Variants in ZRANB1 observed in about 807,000 individuals in gnomAD.
ZRANB1 encodes ubiquitin thioesterase ZRANB1.
A neutral mutation model predicts 80.5 loss-of-function variants in ZRANB1; 16 were observed. The observed-to-expected ratio is 0.20, with a 90% CI of 0.13 to 0.30. ZRANB1 has a LOEUF of 0.30. ZRANB1 is among the 10% of genes least tolerant of loss of function. The pLI is 1.00. For synonymous variants in ZRANB1, 291 were observed against 293.1 expected (o/e 0.99, Z 0.07); for missense variants, 576 against 862.6 (o/e 0.67, Z 4.16).
At chr10:124,929,512 G>A in the ZRANB1 span, among the ~76,000 whole-genome samples, 34 of 151,160 alleles carry the variant, frequency 2.2e-4, no homozygotes, top group Non-Finnish European at 3.4e-4. Flanking sequence ...ATTTTTTTTT[G>A]TCTTTTTAGT....
At chr10:124,951,124 G>T (rs544615247) in intron 1 of ZRANB1, among the ~76,000 whole-genome samples, 2 of 151,884 alleles carry the variant, frequency 1.3e-5, no homozygotes, top group East Asian at 3.9e-4. Flanking sequence ...TAAGAATTAC[G>T]TATATAGATG....
At position 124,966,581 on chromosome 10, in the gene ZRANB1, A is replaced by G; in HGVS notation, c.815-13A>G. 3 of 1,606,602 alleles carry G rather than the reference A, an allele frequency of 1.9e-6. No individual in the cohort carries two copies. Among genetic ancestry groups the G allele is most frequent in the Non-Finnish European group, 2.6e-6 (3 of 1,174,270 alleles). Reference sequence around the variant, plus strand: ...GAGAATTAAATGCTTTTCTATCTTGATGCTTGTTTTAGGGGTTGTAGAAGG... The same window carrying G: ...GAGAATTAAATGCTTTTCTATCTTGGTGCTTGTTTTAGGGGTTGTAGAAGG... On this transcript the variant is annotated splice_polypyrimidine_tract_variant and intron_variant, in intron 1 of 8. Coordinates refer to ENST00000359653, the MANE Select transcript of ZRANB1 (RefSeq NM_017580.3).
At chr10:124,920,399 C>T in the ZRANB1 span, among the ~76,000 whole-genome samples, 4 of 152,206 alleles carry the variant, frequency 2.6e-5, 1 homozygote, top group South Asian at 2.1e-4. Context: ...CTTACCTCCT[C>T]ACATCACAAC....
At chr10:124,926,214 A>G in the ZRANB1 span, among the ~76,000 whole-genome samples, 1 of 152,348 alleles carries the variant, frequency 6.6e-6, no homozygotes, top group Admixed American at 6.5e-5. Flanking sequence ...ACCACTGTAG[A>G]CTTCATAGAC....
Position 124,987,374 on chromosome 10 carries a change from A to ATG in ZRANB1, c.*2383_*2384insGT, listed in dbSNP as rs1952079247. The ATG allele has an allele frequency of 6.6e-6, 1 of 151,594 alleles. No individual in the cohort carries two copies. Among genetic ancestry groups the ATG allele is most frequent in the African/African-American group, 2.4e-5 (1 of 41,220 alleles). The allele number at this position is 151,594 out of a possible 1,614,324, so 9.4% of individuals were successfully genotyped here. A position where few individuals can be genotyped will look rare whatever the true frequency, so the allele number is the denominator to read the frequency against. On this transcript the variant is annotated 3_prime_UTR_variant, in exon 9 of 9. Coordinates refer to ENST00000359653, the MANE Select transcript of ZRANB1 (RefSeq NM_017580.3). ...CTTGGGGTCAAATTTATATATATAT[A>ATG]TATAAATTTTTGTTTGGGCGACCAA...
In ZRANB1 at chr10:124,983,840, T is replaced by C; in HGVS notation, c.1908+152T>C. 1.6e-6 allele frequency: 1 copy of C among 644,232 alleles called. No individual in the cohort carries two copies. Among genetic ancestry groups the C allele is most frequent in the East Asian group, 2.8e-5 (1 of 36,086 alleles). The allele number at this position is 644,232 out of a possible 1,614,324, so 39.9% of individuals were successfully genotyped here. ...GAAGGTACTAGCTATACTTTGAAATTTACCTTTTCAAAACTGCTGTATGGG... is the reference window on the plus strand; with the variant it reads ...GAAGGTACTAGCTATACTTTGAAATCTACCTTTTCAAAACTGCTGTATGGG... On this transcript the variant is annotated intron_variant, in intron 8 of 8. Coordinates refer to ENST00000359653, the MANE Select transcript of ZRANB1 (RefSeq NM_017580.3). This position sits in a 1 kb window ranked among gnomAD's most constrained non-coding sequence, Gnocchi z 6.2.
chr10:124,930,458 G>T, the ZRANB1 span, among the ~76,000 whole-genome samples: 3 of 152,112 alleles, frequency 2.0e-5, no homozygotes, highest in Non-Finnish European at 4.4e-5. Flanking sequence ...TAGAGACAGG[G>T]TTTCACCATG....
At chr10:124,937,783 A>G (rs1019433196), upstream of ZRANB1, among the ~76,000 whole-genome samples, 1 of 152,210 alleles carries the variant, frequency 6.6e-6, no homozygotes, top group African/African-American at 2.4e-5. Context: ...AGTAGTAGTA[A>G]ATGGTTGATA....
At chr10:124,967,934 T>C (rs916404690) in intron 2 of ZRANB1, among the ~76,000 whole-genome samples, 1 of 151,768 alleles carries the variant, frequency 6.6e-6, no homozygotes, top group Admixed American at 6.6e-5. Flanking sequence ...AGTCTCACTC[T>C]GTTGCCCAGG....
Position 124,983,413 on chromosome 10 carries a change from C to G in ZRANB1, c.1679-46C>G, listed in dbSNP as rs1446053230. ...GTGAACAAGGGCAGTGAGGGAGTGG[C>G]TCTTTCTTCCTGTGACTGTTGGGAT... On this transcript the variant is annotated intron_variant, in intron 7 of 8. Transcript: ENST00000359653. The surrounding 1 kb of genome is among the most constrained non-coding windows in gnomAD (Gnocchi z 6.2). 6.3e-7 allele frequency: 1 copy of G among 1,590,968 alleles called. No homozygotes were observed. Among genetic ancestry groups the G allele is most frequent in the Non-Finnish European group, 8.6e-7 (1 of 1,165,224 alleles).
the ZRANB1 span, among the ~76,000 whole-genome samples, chr10:124,928,019 A>C: frequency 6.6e-6 from 1 of 152,246 alleles, no homozygotes; most frequent in East Asian, 1.9e-4. Flanking sequence ...CCTGGGTGAT[A>C]GAGCAAGACT....
intron 1 of ZRANB1, among the ~76,000 whole-genome samples, chr10:124,964,479 A>G (rs914250508): frequency 2.6e-5 from 4 of 152,228 alleles, no homozygotes; most frequent in Admixed American, 2.6e-4. Flanking sequence ...CCTTCTTCCA[A>G]GCAAAAGAAG....
chr10:124,981,672 A>C, intron 5 of ZRANB1, 37 bp from the exon 6 acceptor site: 3 of 1,538,312 alleles, frequency 2.0e-6, no homozygotes, highest in Non-Finnish European at 2.6e-6. Flanking sequence ...TTTATAGAAG[A>C]CTATTTATTT....
chr10:124,968,492 G>A (rs915400415), intron 2 of ZRANB1, among the ~76,000 whole-genome samples: 1 of 152,188 alleles, frequency 6.6e-6, no homozygotes, highest in African/African-American at 2.4e-5. Context: ...CAAAAGGGCA[G>A]GCTTATTGAG....
In ZRANB1 at chr10:124,942,649, T is replaced by G; in HGVS notation, c.156T>G (p.Asp52Glu). Residue 52 changes from aspartate to glutamate, a missense_variant, in exon 1 of 9, where the codon GAT becomes GAG. Transcript: ENST00000359653. Reference sequence around the variant, plus strand: ...GTGGTTCAAGTGATGTTGGTAGAGATTGGGATCCTTCCAGCACCGAAGGAG... The same window carrying G: ...GTGGTTCAAGTGATGTTGGTAGAGAGTGGGATCCTTCCAGCACCGAAGGAG... ...FKSGSSDVGR[D>E]WDPSSTEGGS... 1.9e-6 allele frequency: 3 copies of G among 1,614,228 alleles called. No individual in the cohort carries two copies. Among genetic ancestry groups the G allele is most frequent in the Non-Finnish European group, 2.5e-6 (3 of 1,180,040 alleles).
chr10:124,970,290 A>G (rs1271404599), intron 2 of ZRANB1, among the ~76,000 whole-genome samples: 3 of 151,872 alleles, frequency 2.0e-5, no homozygotes, highest in African/African-American at 7.3e-5. Context: ...TTCTTTTGAG[A>G]CAGACTTTCT....
At chr10:124,958,039 T>A (rs542882921) in intron 1 of ZRANB1, among the ~76,000 whole-genome samples, 1 of 152,334 alleles carries the variant, frequency 6.6e-6, no homozygotes, top group East Asian at 1.9e-4. Context: ...CAGAATTTCC[T>A]TCCTTTTTGA....
intron 1 of ZRANB1, among the ~76,000 whole-genome samples, chr10:124,956,984 C>T (rs1008430067): frequency 5.3e-5 from 8 of 152,108 alleles, no homozygotes; most frequent in African/African-American, 1.9e-4. Context: ...CATGTGTTTC[C>T]TAAGAACAAG....
chr10:124,935,086 G>A, the ZRANB1 span, among the ~76,000 whole-genome samples: 6 of 152,194 alleles, frequency 3.9e-5, no homozygotes, highest in Non-Finnish European at 8.8e-5. Context: ...AAATGCCGAA[G>A]TTGCAGAGGC....
Sources: gnomAD v4.1 joint callset for allele counts (sites outside exome capture counted in the v4.1 genomes callset) on GRCh38, gnomAD v4.1.1 for gene constraint, Gnocchi (gnomAD v3.1) non-coding constraint, MANE v1.5 for transcripts, NCBI Gene and HGNC (gene_info 2026-07-23, HGNC 2026-07-21) for gene names.